The following DPP10 variants were observed in gnomAD, a reference collection of about 807,000 sequenced individuals.
The protein encoded by DPP10 is dipeptidyl peptidase like 10.
A neutral mutation model predicts 120.9 loss-of-function variants in DPP10; 33 were observed. The observed-to-expected ratio is 0.27, with a 90% CI of 0.21 to 0.37. The LOEUF is 0.37. Among genes scored for constraint, DPP10 ranks in the 10% least tolerant of loss-of-function variants. DPP10 has a pLI of 1.00. For synonymous variants in DPP10, 337 were observed against 326.1 expected (o/e 1.03, Z -0.36); for missense variants, 816 against 942.8 (o/e 0.87, Z 1.76).
intron 2 of DPP10, 93 bp downstream of exon 2, chr2:115,309,446 C>A: frequency 8.3e-7 from 1 of 1,199,922 alleles, no homozygotes; most frequent in Admixed American, 2.1e-5. Context: ...TATGTGGTAT[C>A]TTAGGGCACA....
rs796340007 is a variant in DPP10, at chr2:114,637,026, A to G, written c.60+194188A>G. Reference sequence around the variant, plus strand: ...TGCAAACTAACATAGTACAAATTGTACTTTTCTTAATTCTTTGGATTTTAT... The same window carrying G: ...TGCAAACTAACATAGTACAAATTGTGCTTTTCTTAATTCTTTGGATTTTAT... On this transcript the variant is annotated intron_variant, in intron 1 of 25. Transcript: ENST00000410059. Among the ~76,000 whole-genome samples, 8 of 152,026 alleles carry G rather than the reference A, an allele frequency of 5.3e-5. 1 individual carries two copies. Among genetic ancestry groups the G allele is most frequent in the African/African-American group, 1.7e-4 (7 of 41,306 alleles).
At chr2:115,336,196 T>G (rs1197240190) in intron 2 of DPP10, among the ~76,000 whole-genome samples, 1 of 152,026 alleles carries the variant, frequency 6.6e-6, no homozygotes, top group Non-Finnish European at 1.5e-5. Flanking sequence ...AAAGGCCATT[T>G]AAAAGCAAGA....
chr2:114,703,366 C>T (rs763117050), intron 1 of DPP10, among the ~76,000 whole-genome samples: 62 of 152,110 alleles, frequency 4.1e-4, no homozygotes, highest in Non-Finnish European at 7.8e-4. Context: ...CTGCTAAACA[C>T]GCATAAGATC....
Position 114,477,555 on chromosome 2 carries a change from G to C in DPP10, c.60+34717G>C, listed in dbSNP as rs1356049809. Among the ~76,000 whole-genome samples the C allele has an allele frequency of 2.7e-5, 4 of 150,700 alleles. No homozygotes were observed. In the East Asian group the frequency reaches 5.9e-4, roughly 22 times the overall value. On this transcript the variant is annotated intron_variant, in intron 1 of 25. Coordinates refer to ENST00000410059, the MANE Select transcript of DPP10 (RefSeq NM_020868.6). ...TATATATATGTATATTGGAGGCCTT[G>C]GCCTTGGATCATTTGAGGTCAGGAG...
chr2:114,663,818 A>G (rs1255099394), intron 1 of DPP10, among the ~76,000 whole-genome samples: 1 of 151,980 alleles, frequency 6.6e-6, no homozygotes, highest in Admixed American at 6.6e-5. Flanking sequence ...CATGCCATAA[A>G]AAGTAGAATT....
At chr2:115,557,172 T>C (rs1186818055) in intron 5 of DPP10, among the ~76,000 whole-genome samples, 1 of 152,138 alleles carries the variant, frequency 6.6e-6, no homozygotes, top group Non-Finnish European at 1.5e-5. Flanking sequence ...TCCCTCTCTC[T>C]CTCTGTACAT....
intron 1 of DPP10, among the ~76,000 whole-genome samples, chr2:114,955,993 A>C (rs1398326220): frequency 6.6e-6 from 1 of 152,200 alleles, no homozygotes; most frequent in Non-Finnish European, 1.5e-5. Flanking sequence ...ACATCATCAA[A>C]CTAAATGGTA....
chr2:114,458,689 C>T (rs541739640), intron 1 of DPP10, among the ~76,000 whole-genome samples: 1 of 152,182 alleles, frequency 6.6e-6, no homozygotes, highest in East Asian at 1.9e-4. Context: ...ATAATGTTCT[C>T]TATGTTACAG....
At chr2:114,815,572 A>G (rs1685573616) in intron 1 of DPP10, among the ~76,000 whole-genome samples, 1 of 152,238 alleles carries the variant, frequency 6.6e-6, no homozygotes, top group Admixed American at 6.5e-5. Flanking sequence ...GACAAAATTA[A>G]TAGGAGCAAT....
intron 1 of DPP10, among the ~76,000 whole-genome samples, chr2:115,211,147 T>C (rs548722344): frequency 6.6e-6 from 1 of 152,252 alleles, no homozygotes; most frequent in East Asian, 1.9e-4. Flanking sequence ...TATTTAATTA[T>C]TATTTTACAA....
chr2:114,710,906 G>A (rs17043382), intron 1 of DPP10, among the ~76,000 whole-genome samples: 8 of 152,102 alleles, frequency 5.3e-5, no homozygotes, highest in Non-Finnish European at 7.4e-5. Context: ...AACTGCTTTC[G>A]ACTAAGATAG....
intron 1 of DPP10, among the ~76,000 whole-genome samples, chr2:114,553,945 A>G (rs1442275386): frequency 1.3e-5 from 2 of 152,216 alleles, no homozygotes; most frequent in Admixed American, 1.3e-4. Context: ...CTGGGCTTCT[A>G]GTGGACAAGA....
intron 1 of DPP10, among the ~76,000 whole-genome samples, chr2:114,593,003 T>A (rs541761675): frequency 1.3e-5 from 2 of 152,312 alleles, no homozygotes; most frequent in South Asian, 4.1e-4. Flanking sequence ...CTATATTAGA[T>A]CTTAATCTCT....
At chr2:115,252,889 G>C (rs1055916012) in intron 1 of DPP10, among the ~76,000 whole-genome samples, 1 of 152,138 alleles carries the variant, frequency 6.6e-6, no homozygotes, top group African/African-American at 2.4e-5. Context: ...TGTTAACCAA[G>C]ATTTTTATTT....
chr2:115,757,103 CTG>C (rs34044886), intron 11 of DPP10, among the ~76,000 whole-genome samples: 29,927 of 151,872 alleles, frequency 0.2, 4,025 homozygotes, highest in East Asian at 0.54. Context: ...TATTCAAACA[CTG>C]TATCATTCTT....
At chr2:115,805,176 C>T (rs1685775970) in intron 19 of DPP10, among the ~76,000 whole-genome samples, 1 of 152,128 alleles carries the variant, frequency 6.6e-6, no homozygotes, top group South Asian at 2.1e-4. Context: ...AGTTTGATCT[C>T]AGACTGCTGT....
intron 1 of DPP10, among the ~76,000 whole-genome samples, chr2:115,098,432 G>A (rs1311567537): frequency 2.6e-5 from 4 of 152,090 alleles, no homozygotes; most frequent in Admixed American, 6.5e-5. Flanking sequence ...GCATACTTAC[G>A]GAAACCTAGA....
chr2:114,790,286 A>T (rs1446460332), intron 1 of DPP10, among the ~76,000 whole-genome samples: 1 of 152,216 alleles, frequency 6.6e-6, no homozygotes, highest in Non-Finnish European at 1.5e-5. Context: ...ACAAAAAGGA[A>T]AATGGTTACT....
chr2:115,724,526 A>AT (rs71394164), intron 7 of DPP10, among the ~76,000 whole-genome samples: 18 of 151,330 alleles, frequency 1.2e-4, no homozygotes, highest in East Asian at 5.8e-4. Flanking sequence ...TTGTTCTTCT[A>AT]TTTTTTTTTG....
Sources: allele counts gnomAD v4.1 joint callset (sites outside exome capture counted in the v4.1 genomes callset), GRCh38; gene constraint gnomAD v4.1.1; transcripts MANE v1.5; gene names NCBI Gene and HGNC (gene_info 2026-07-23, HGNC 2026-07-21).